Variants in GAS6 observed in about 807,000 individuals in gnomAD.
The protein encoded by GAS6 is growth arrest specific 6, also known as growth arrest-specific protein 6.
Under a neutral mutation model 75.8 loss-of-function variants are expected in GAS6, and 41 were observed. The ratio of observed to expected loss-of-function variants is 0.54; its 90% confidence interval spans 0.42 to 0.70. The LOEUF is 0.70. Ranked by LOEUF, GAS6 falls within the 30% of genes least tolerant of loss-of-function variation. The pLI is 0.00. For missense variants in GAS6, 854 were observed against 940.2 expected (o/e 0.91, Z 1.20); for synonymous variants, 432 against 412.6 (o/e 1.05, Z -0.57).
At chr13:113,842,513 G>A (rs915246376) in intron 4 of GAS6, 10 of 396,266 alleles carry the variant, frequency 2.5e-5, no homozygotes, top group East Asian at 3.6e-5. Context: ...TGCTGTGTCC[G>A]CGGGGCGTCT....
chr13:113,847,045 T>A (rs2051839670), intron 3 of GAS6: 1 of 504,908 alleles, frequency 2.0e-6, no homozygotes, highest in Admixed American at 2.0e-5. Flanking sequence ...GACATCCCGC[T>A]AGGGCGGCGG....
intron 14 of GAS6, 110 bp from the exon 15 acceptor site, chr13:113,821,128 G>C: frequency 8.4e-7 from 1 of 1,189,166 alleles, no homozygotes; most frequent in Non-Finnish European, 1.2e-6. Flanking sequence ...CCTCCGAAAG[G>C]GCAGGGTTTC....
chr13:113,835,808 C>CGGG (rs549540667), intron 6 of GAS6, 173 bp from the exon 7 acceptor site: 94 of 1,346,682 alleles, frequency 7.0e-5, no homozygotes, highest in Non-Finnish European at 9.0e-5. Flanking sequence ...GGGCAGCTCC[C>CGGG]GGGGTGTTGG....
intron 8 of GAS6, 128 bp from the exon 9 acceptor site, chr13:113,832,880 A>G: frequency 6.4e-7 from 1 of 1,555,852 alleles, no homozygotes; most frequent in Non-Finnish European, 8.6e-7. Context: ...CCCCGCCTCT[A>G]GCTGCTGAGA....
At chr13:113,829,089 C>T (rs2051592387) in intron 10 of GAS6, among the ~76,000 whole-genome samples, 1 of 87,012 alleles carries the variant, frequency 1.1e-5, no homozygotes, top group Admixed American at 1.1e-4. Flanking sequence ...CAAGAGGGTC[C>T]CGATCTCAGG....
chr13:113,847,259 G>A (rs1159054548), intron 3 of GAS6, among the ~76,000 whole-genome samples: 2 of 152,236 alleles, frequency 1.3e-5, no homozygotes, highest in East Asian at 1.9e-4. Flanking sequence ...CTCAGTCCTC[G>A]CTGGTGCCTG....
intron 2 of GAS6, among the ~76,000 whole-genome samples, chr13:113,859,459 T>C (rs2051952332): frequency 6.6e-6 from 1 of 152,114 alleles, no homozygotes; most frequent in Non-Finnish European, 1.5e-5. Flanking sequence ...TGTGTGTACG[T>C]ATGTCTATGT....
At chr13:113,857,527 C>A (rs968851972) in intron 2 of GAS6, among the ~76,000 whole-genome samples, 1 of 152,144 alleles carries the variant, frequency 6.6e-6, no homozygotes, top group African/African-American at 2.4e-5. Flanking sequence ...ATTGGAGAAA[C>A]AGCTCTCAGT....
intron 10 of GAS6, among the ~76,000 whole-genome samples, chr13:113,831,123 A>G (rs2051625083): frequency 6.6e-6 from 1 of 152,188 alleles, no homozygotes; most frequent in African/African-American, 2.4e-5. Flanking sequence ...GGTTGCTTAC[A>G]GGCCCTCTCG....
chr13:113,846,659 T>C, intron 3 of GAS6, 70 bp from the exon 4 acceptor site: 1 of 1,297,964 alleles, frequency 7.7e-7, no homozygotes. Flanking sequence ...CCTCTGCTTC[T>C]GAGACGCTCT....
intron 2 of GAS6, among the ~76,000 whole-genome samples, chr13:113,850,038 T>C (rs760092889): frequency 1.3e-5 from 2 of 152,248 alleles, no homozygotes; most frequent in Non-Finnish European, 2.9e-5. Flanking sequence ...ACATTTCACG[T>C]TGTCCTGAGA....
chr13:113,829,912 G>A (rs1169878546), intron 10 of GAS6, among the ~76,000 whole-genome samples: 1 of 151,028 alleles, frequency 6.6e-6, no homozygotes, highest in African/African-American at 2.4e-5. Flanking sequence ...AGCCAAGAAG[G>A]TCCCAATCTC....
chr13:113,822,133 G>A lies in GAS6; in HGVS notation c.1707C>T (p.Val569=). 1 of 1,600,124 alleles carries A rather than the reference G, an allele frequency of 6.2e-7. No individual in the cohort carries two copies. The highest frequency in any genetic ancestry group is 2.3e-5 in the East Asian group (1 of 44,356). ...HTALALMEIK[V]CDGQEHVVTV... ...TGACCACGTGCTCTTGGCCGTCGCA[G>A]ACCTTGATCTCCATTAGGGCCAAGG... is the stretch of plus-strand genomic sequence containing the variant. The change falls in exon 14 of 15, where the codon GTC becomes GTT. Residue 569 remains valine (V), a synonymous_variant. Transcript: ENST00000327773.
intron 8 of GAS6, among the ~76,000 whole-genome samples, 157 bp downstream of exon 8, chr13:113,834,394 C>T (rs2051673464): frequency 6.6e-6 from 1 of 152,240 alleles, no homozygotes; most frequent in Non-Finnish European, 1.5e-5. Context: ...TTCCAGGGAA[C>T]AGAAGCGTTT....
chr13:113,862,991 AG>A (rs2051984841), intron 2 of GAS6, among the ~76,000 whole-genome samples: 1 of 151,998 alleles, frequency 6.6e-6, no homozygotes, highest in South Asian at 2.1e-4. Flanking sequence ...TTCCTAACCG[AG>A]GTGCCGGGGC....
chr13:113,827,303 C>A, intron 11 of GAS6, 139 bp from the exon 12 acceptor site: 1 of 762,224 alleles, frequency 1.3e-6, no homozygotes, highest in Admixed American at 2.4e-5. Flanking sequence ...TCGGTGGTGG[C>A]CATTTCACAG....
chr13:113,821,158 C>T (rs2051452774), intron 14 of GAS6, 140 bp from the exon 15 acceptor site: 2 of 878,064 alleles, frequency 2.3e-6, no homozygotes, highest in South Asian at 1.7e-5. Flanking sequence ...TCTAACTTCT[C>T]GGTCCCCGTT....
At chr13:113,849,277 A>G (rs2138657574) in intron 2 of GAS6, among the ~76,000 whole-genome samples, 1 of 152,298 alleles carries the variant, frequency 6.6e-6, no homozygotes, top group African/African-American at 2.4e-5. Context: ...GAAGGCCAGG[A>G]GGGCTGCAGA....
chr13:113,834,434 G>A (rs1254819508), intron 8 of GAS6, 117 bp downstream of exon 8: 1 of 1,098,610 alleles, frequency 9.1e-7, no homozygotes, highest in Non-Finnish European at 1.2e-6. Context: ...TGGCCCTGGA[G>A]ATCCCCAACA....
Sources: allele counts gnomAD v4.1 joint callset (sites outside exome capture counted in the v4.1 genomes callset), GRCh38; gene constraint gnomAD v4.1.1; transcripts MANE v1.5; gene names NCBI Gene and HGNC (gene_info 2026-07-23, HGNC 2026-07-21).